The following DSCAM variants were observed in gnomAD, a reference collection of about 807,000 sequenced individuals.
DSCAM encodes the protein DS cell adhesion molecule, also known as cell adhesion molecule DSCAM.
Under a neutral mutation model 217.7 loss-of-function variants are expected in DSCAM, and 47 were observed. The observed-to-expected ratio is 0.22, with a 90% CI of 0.17 to 0.28. DSCAM has a LOEUF of 0.28. DSCAM is among the 10% of genes least tolerant of loss of function. The pLI is 1.00. For missense variants in DSCAM, 2,080 were observed against 2,618.3 expected, an observed-to-expected ratio of 0.79 and a Z score of 4.49; for synonymous variants, 1,056 against 1,015.3, an observed-to-expected ratio of 1.04 and a Z score of -0.76.
chr21:40,754,954 G>A (rs1172209193), intron 1 of DSCAM, among the ~76,000 whole-genome samples: 1 of 152,242 alleles, frequency 6.6e-6, no homozygotes, highest in Non-Finnish European at 1.5e-5. Context: ...AGAGGGAAGA[G>A]AGTTTTCTAA....
chr21:40,458,060 G>T (rs2075777753), intron 3 of DSCAM, among the ~76,000 whole-genome samples: 1 of 152,150 alleles, frequency 6.6e-6, no homozygotes, highest in African/African-American at 2.4e-5. Context: ...ATAGGCAGAA[G>T]TATGTCAATA....
intron 14 of DSCAM, 44 bp downstream of exon 14, chr21:40,187,087 A>C (rs770165440): frequency 6.2e-7 from 1 of 1,606,130 alleles, no homozygotes; most frequent in East Asian, 2.2e-5. Flanking sequence ...AAATAAAAGA[A>C]CTTTCTGAGG....
At chr21:40,020,957 G>C (rs79491603) in intron 32 of DSCAM, among the ~76,000 whole-genome samples, 11,308 of 152,162 alleles carry the variant, frequency 0.074, 465 homozygotes, top group African/African-American at 0.11. Flanking sequence ...GATGGAGAAG[G>C]TGGAGATGGC....
chr21:40,594,339 A>C (rs1228733578), intron 3 of DSCAM, among the ~76,000 whole-genome samples: 1 of 152,242 alleles, frequency 6.6e-6, no homozygotes, highest in Non-Finnish European at 1.5e-5. Context: ...CTAATTTTAC[A>C]GTGTGACATA....
chr21:40,700,565 T>C (rs1445766618), intron 2 of DSCAM, among the ~76,000 whole-genome samples: 1 of 152,174 alleles, frequency 6.6e-6, no homozygotes, highest in Non-Finnish European at 1.5e-5. Flanking sequence ...ATTCAATTTG[T>C]TAAATTTTTA....
At chr21:40,677,577 A>G (rs1183905270) in intron 3 of DSCAM, among the ~76,000 whole-genome samples, 1 of 152,194 alleles carries the variant, frequency 6.6e-6, no homozygotes, top group Non-Finnish European at 1.5e-5. Flanking sequence ...TGGCCTAAGG[A>G]TATTTCCATC....
intron 1 of DSCAM, among the ~76,000 whole-genome samples, chr21:40,768,184 A>G (rs914922585): frequency 1.3e-5 from 2 of 152,076 alleles, no homozygotes; most frequent in Non-Finnish European, 2.9e-5. Context: ...CTGCACCCAG[A>G]TTGCACCCCA....
chr21:40,491,874 C>T (rs886676623), intron 3 of DSCAM, among the ~76,000 whole-genome samples: 6 of 152,200 alleles, frequency 3.9e-5, no homozygotes, highest in Non-Finnish European at 5.9e-5. Context: ...ATTGCCAACC[C>T]CTATGCCATC....
chr21:40,416,636 CA>C (rs200223437), intron 3 of DSCAM, among the ~76,000 whole-genome samples: 3 of 147,598 alleles, frequency 2.0e-5, no homozygotes, highest in Admixed American at 6.7e-5. Flanking sequence ...GAGCTATTTG[CA>C]AAAAAAAATT....
intron 11 of DSCAM, among the ~76,000 whole-genome samples, chr21:40,200,868 G>T (rs2091062650): frequency 6.6e-6 from 1 of 152,176 alleles, no homozygotes; most frequent in Non-Finnish European, 1.5e-5. Context: ...CACCAAGTGT[G>T]ATTATCCCTG....
At chr21:40,680,563 TA>T (rs78994297) in intron 3 of DSCAM, among the ~76,000 whole-genome samples, 2 of 152,064 alleles carry the variant, frequency 1.3e-5, no homozygotes, top group South Asian at 4.2e-4. Flanking sequence ...TATTTTTGCT[TA>T]TTTACTGTAT....
At chr21:40,641,225 C>G (rs1171477550) in intron 3 of DSCAM, among the ~76,000 whole-genome samples, 2 of 151,904 alleles carry the variant, frequency 1.3e-5, no homozygotes, top group African/African-American at 4.8e-5. Context: ...ATGCACAGAG[C>G]AAGCTGCTCT....
intron 1 of DSCAM, among the ~76,000 whole-genome samples, chr21:40,756,022 C>T (rs9305702): frequency 0.7 from 106,194 of 152,118 alleles, 37,346 homozygotes; most frequent in Admixed American, 0.76. Context: ...CTGTATGATA[C>T]GGTTTGGATA....
chr21:40,411,173 TATACACACACACACACACACACACAC>T (rs1241562060), intron 3 of DSCAM, among the ~76,000 whole-genome samples: 2 of 134,786 alleles, frequency 1.5e-5, no homozygotes, highest in South Asian at 2.4e-4. Flanking sequence ...ACAGTAATTA[TATACACACACACACACACACACACAC>T]ACACACACAC....
intron 26 of DSCAM, among the ~76,000 whole-genome samples, chr21:40,076,317 G>C (rs1003184837): frequency 6.6e-6 from 1 of 152,004 alleles, no homozygotes; most frequent in Non-Finnish European, 1.5e-5. Flanking sequence ...GACAACACTA[G>C]GTCAAGCAGA....
intron 11 of DSCAM, among the ~76,000 whole-genome samples, chr21:40,255,495 G>A (rs2146967541): frequency 6.6e-6 from 1 of 152,328 alleles, no homozygotes; most frequent in African/African-American, 2.4e-5. Context: ...TGTACACAGT[G>A]AAAGGTATTC....
chr21:40,842,814 A>C (rs1343745000), intron 1 of DSCAM, among the ~76,000 whole-genome samples: 2 of 152,188 alleles, frequency 1.3e-5, no homozygotes, highest in Non-Finnish European at 2.9e-5. Context: ...CCGAGGCAGC[A>C]AACCGTGGTC....
At chr21:40,420,496 G>A (rs966396167) in intron 3 of DSCAM, among the ~76,000 whole-genome samples, 3 of 152,164 alleles carry the variant, frequency 2.0e-5, no homozygotes, top group African/African-American at 7.2e-5. Flanking sequence ...TATGGAGCAA[G>A]CAGGAAGGTC....
chr21:40,725,199 T>A (rs1258022228), intron 1 of DSCAM, among the ~76,000 whole-genome samples: 5 of 152,176 alleles, frequency 3.3e-5, no homozygotes, highest in Admixed American at 2.6e-4. Context: ...ACTGCCAGCA[T>A]CTCATCTCTC....
Sources: allele counts gnomAD v4.1 joint callset (sites outside exome capture counted in the v4.1 genomes callset), GRCh38; gene constraint gnomAD v4.1.1; transcripts MANE v1.5; gene names NCBI Gene and HGNC (gene_info 2026-07-23, HGNC 2026-07-21).